The following CADM2 variants were observed in gnomAD, a reference collection of about 807,000 sequenced individuals.
CADM2 encodes immunoglobulin superfamily member 4D.
CADM2 carries 12 observed loss-of-function variants against 49.8 expected under a neutral mutation model. The observed-to-expected ratio is 0.24, with a 90% CI of 0.15 to 0.39. CADM2 has a LOEUF of 0.39. Among genes scored for constraint, CADM2 ranks in the 10% least tolerant of loss-of-function variants. CADM2 has a pLI of 1.00. For missense variants in CADM2, 378 were observed against 492.3 expected (o/e 0.77, Z 2.20); for synonymous variants, 214 against 175.4 (o/e 1.22, Z -1.74).
At chr3:85,910,605 A>G (rs1252125099) in intron 5 of CADM2, among the ~76,000 whole-genome samples, 2 of 152,088 alleles carry the variant, frequency 1.3e-5, no homozygotes, top group Non-Finnish European at 1.5e-5. Context: ...AATTCTGCGT[A>G]TAATTTTGTA....
intron 1 of CADM2, among the ~76,000 whole-genome samples, chr3:85,239,280 C>A (rs1243062826): frequency 6.6e-6 from 1 of 151,764 alleles, no homozygotes; most frequent in African/African-American, 2.4e-5. Flanking sequence ...TTTGACAGAG[C>A]TGTTGCCAGT....
At chr3:85,587,804 G>C (rs1181738609) in intron 1 of CADM2, among the ~76,000 whole-genome samples, 1 of 151,928 alleles carries the variant, frequency 6.6e-6, no homozygotes, top group Non-Finnish European at 1.5e-5. Flanking sequence ...GAGTGCAGTG[G>C]TATGATCTTG....
At chr3:85,365,179 A>AG (rs1270613148) in intron 1 of CADM2, among the ~76,000 whole-genome samples, 1 of 105,624 alleles carries the variant, frequency 9.5e-6, no homozygotes, top group African/African-American at 3.4e-5. Flanking sequence ...AAGAATTGGG[A>AG]GGGTTTTTTT....
chr3:85,029,509 CA>C (rs2034887016), intron 1 of CADM2, among the ~76,000 whole-genome samples: 2 of 151,636 alleles, frequency 1.3e-5, no homozygotes, highest in African/African-American at 4.8e-5. Context: ...TTTCACAAAG[CA>C]AAAAAGGGTT....
At chr3:85,831,516 T>G (rs2074186122) in intron 3 of CADM2, among the ~76,000 whole-genome samples, 1 of 152,022 alleles carries the variant, frequency 6.6e-6, no homozygotes. Flanking sequence ...TTTTTAATAC[T>G]AACCATTCTG....
chr3:85,780,093 A>G (rs2070561107), intron 2 of CADM2, among the ~76,000 whole-genome samples: 1 of 152,190 alleles, frequency 6.6e-6, no homozygotes, highest in Non-Finnish European at 1.5e-5. Context: ...TATTTAAGTG[A>G]AATCTGAAAT....
intron 1 of CADM2, among the ~76,000 whole-genome samples, chr3:85,011,159 C>T (rs1192668862): frequency 2.0e-5 from 3 of 151,776 alleles, no homozygotes. Flanking sequence ...CCACCGCGCC[C>T]AGGCTGTTTA....
intron 8 of CADM2, among the ~76,000 whole-genome samples, chr3:86,019,251 A>G (rs1732779156): frequency 1.5e-5 from 2 of 137,744 alleles, no homozygotes; most frequent in South Asian, 5.1e-4. Flanking sequence ...CTGTTTTGGT[A>G]CCAGTACCAT....
chr3:86,036,679 T>A (rs1042941871), intron 8 of CADM2, among the ~76,000 whole-genome samples: 1 of 152,112 alleles, frequency 6.6e-6, no homozygotes, highest in African/African-American at 2.4e-5. Flanking sequence ...CATAGTCAAG[T>A]TACTCAGCCT....
At chr3:85,943,869 G>A (rs951032513) in intron 7 of CADM2, among the ~76,000 whole-genome samples, 3 of 151,948 alleles carry the variant, frequency 2.0e-5, no homozygotes, top group Non-Finnish European at 2.9e-5. Context: ...ATCAACTAAC[G>A]AGCAAAATAA....
intron 1 of CADM2, among the ~76,000 whole-genome samples, chr3:85,206,306 CTTTTCTTTTTTTT>C (rs1431784751): frequency 7.1e-6 from 1 of 140,158 alleles, no homozygotes; most frequent in South Asian, 2.3e-4. Flanking sequence ...TTTTTTTTTT[CTTTTCTTTTTTTT>C]TTTTTTGAGA....
At chr3:86,047,640 G>A (rs144073386) in intron 8 of CADM2, among the ~76,000 whole-genome samples, 1 of 152,282 alleles carries the variant, frequency 6.6e-6, no homozygotes, top group African/African-American at 2.4e-5. Context: ...CTCCTGCTCT[G>A]TCCAAAATAT....
intron 6 of CADM2, among the ~76,000 whole-genome samples, chr3:85,925,420 T>C (rs1719701499): frequency 6.6e-6 from 1 of 152,186 alleles, no homozygotes. Flanking sequence ...TGAAGAAAAG[T>C]ACCGGATAAT....
At chr3:84,963,677 C>A (rs2030741007) in intron 1 of CADM2, among the ~76,000 whole-genome samples, 1 of 152,054 alleles carries the variant, frequency 6.6e-6, no homozygotes, top group African/African-American at 2.4e-5. Flanking sequence ...CAAATTAAAT[C>A]TCATTGGACG....
At chr3:85,160,715 A>G (rs183830729) in intron 1 of CADM2, among the ~76,000 whole-genome samples, 1 of 152,326 alleles carries the variant, frequency 6.6e-6, no homozygotes. Context: ...CAAATCTTAT[A>G]AATTAACTCT....
At chr3:86,006,523 G>A (rs1052729752) in intron 8 of CADM2, among the ~76,000 whole-genome samples, 6 of 152,148 alleles carry the variant, frequency 3.9e-5, no homozygotes, top group Non-Finnish European at 5.9e-5. Context: ...AAAAGAAGAT[G>A]AGACTTTGAA....
intron 1 of CADM2, among the ~76,000 whole-genome samples, chr3:85,502,261 A>C (rs576342881): frequency 6.6e-6 from 1 of 152,254 alleles, no homozygotes; most frequent in South Asian, 2.1e-4. Flanking sequence ...ATCTCTTGCC[A>C]CTTCAGTGAA....
intron 1 of CADM2, among the ~76,000 whole-genome samples, chr3:85,306,068 C>T (rs2044205277): frequency 6.6e-6 from 1 of 151,604 alleles, no homozygotes. Flanking sequence ...TCTCCTATCA[C>T]AATATCTGAG....
intron 3 of CADM2, among the ~76,000 whole-genome samples, chr3:85,811,363 A>C (rs1314690232): frequency 6.6e-6 from 1 of 152,202 alleles, no homozygotes; most frequent in African/African-American, 2.4e-5. Flanking sequence ...AAGAAAAATT[A>C]TTTTAACAAA....
Sources: allele counts gnomAD v4.1 joint callset (sites outside exome capture counted in the v4.1 genomes callset), GRCh38; gene constraint gnomAD v4.1.1; transcripts MANE v1.5; gene names NCBI Gene and HGNC (gene_info 2026-07-23, HGNC 2026-07-21).